RBMS3: variants seen among roughly 807,000 people sequenced by gnomAD.
RBMS3 encodes the protein RNA binding motif single stranded interacting protein 3.
In RBMS3, 27 loss-of-function variants were observed where a neutral mutation model predicts 66.8. The observed-to-expected ratio is 0.40, with a 90% CI of 0.30 to 0.56. The LOEUF (loss-of-function observed/expected upper bound fraction) is 0.56. Among genes scored for constraint, RBMS3 ranks in the 20% least tolerant of loss-of-function variants. RBMS3 has a pLI of 0.40. For missense variants in RBMS3, 513 were observed against 549.5 expected (o/e 0.93, Z 0.66); for synonymous variants, 188 against 183.0 (o/e 1.03, Z -0.22).
chr3:29,580,682 TATAATAATA>T (rs5847581), intron 3 of RBMS3, among the ~76,000 whole-genome samples: 24 of 147,672 alleles, frequency 1.6e-4, no homozygotes, highest in Admixed American at 4.7e-4. Context: ...AATTTAATAA[TATAATAATA>T]ATAATAATAA....
chr3:29,605,055 G>A (rs1559503754), intron 4 of RBMS3, among the ~76,000 whole-genome samples: 1 of 151,688 alleles, frequency 6.6e-6, no homozygotes, highest in East Asian at 1.9e-4. Flanking sequence ...TTTGTAACTT[G>A]CATTGAATAT....
intron 10 of RBMS3, among the ~76,000 whole-genome samples, chr3:29,915,051 T>A (rs917873953): frequency 4.6e-5 from 7 of 151,884 alleles, no homozygotes; most frequent in Non-Finnish European, 7.4e-5. Context: ...TCTTGTTGTT[T>A]AGATATATCT....
chr3:29,634,246 T>G (rs2049389638), intron 4 of RBMS3, among the ~76,000 whole-genome samples: 2 of 151,890 alleles, frequency 1.3e-5, no homozygotes, highest in Admixed American at 1.3e-4. Flanking sequence ...ACATTAAAAT[T>G]GCTTTCATAT....
chr3:29,299,397 T>C lies in RBMS3; in HGVS notation c.75+17641T>C, dbSNP rs553942175. Among the ~76,000 whole-genome samples, 6 of 151,936 alleles carry C rather than the reference T, an allele frequency of 3.9e-5. No homozygotes were observed. In the South Asian group the frequency reaches 1.2e-3, roughly 32 times the overall value. On this transcript the variant is annotated intron_variant, in intron 1 of 14. Transcript: ENST00000383767. ...TTAATTTTGGGGTAGGGAGTGGTTT[T>C]GTAAGTTTCATTTTTAAGGCATAAC...
intron 3 of RBMS3, among the ~76,000 whole-genome samples, chr3:29,510,205 T>C (rs35878): frequency 1 from 152,334 of 152,334 alleles, 76,167 homozygotes; most frequent in Non-Finnish European, 1. Context: ...AGTCTGAATT[T>C]CTCAGTATAG....
At chr3:29,550,699 A>T (rs948383850) in intron 3 of RBMS3, among the ~76,000 whole-genome samples, 17 of 152,140 alleles carry the variant, frequency 1.1e-4, no homozygotes. Flanking sequence ...CTTACACAAA[A>T]TTTTTTTGGT....
chr3:29,837,704 A>G (rs922516259), intron 6 of RBMS3, among the ~76,000 whole-genome samples: 8 of 115,976 alleles, frequency 6.9e-5, no homozygotes, highest in African/African-American at 2.9e-4. Flanking sequence ...ATATATATAT[A>G]TATGCTTATT....
At chr3:29,688,606 T>C (rs1179531995) in intron 4 of RBMS3, among the ~76,000 whole-genome samples, 1 of 119,640 alleles carries the variant, frequency 8.4e-6, no homozygotes, top group African/African-American at 3.2e-5. Flanking sequence ...TTTTTTGAGA[T>C]GGAGTCTTGC....
At chr3:29,971,885 T>A (rs1268912320) in intron 12 of RBMS3, among the ~76,000 whole-genome samples, 1 of 151,080 alleles carries the variant, frequency 6.6e-6, no homozygotes, top group Admixed American at 6.6e-5. Context: ...GTAGGTGGAT[T>A]AAAAAAAAAG....
At chr3:29,370,994 C>A (rs2038169178) in intron 1 of RBMS3, among the ~76,000 whole-genome samples, 1 of 152,166 alleles carries the variant, frequency 6.6e-6, no homozygotes, top group Non-Finnish European at 1.5e-5. Context: ...ACAAAAATGT[C>A]TGAATGTCAT....
At chr3:29,799,113 T>G (rs2057309344) in intron 6 of RBMS3, among the ~76,000 whole-genome samples, 1 of 152,132 alleles carries the variant, frequency 6.6e-6, no homozygotes, top group South Asian at 2.1e-4. Flanking sequence ...GAAATAATGG[T>G]CAATGCCTCT....
intron 3 of RBMS3, among the ~76,000 whole-genome samples, chr3:29,550,049 T>C (rs1012689918): frequency 4.6e-5 from 7 of 152,232 alleles, no homozygotes. Context: ...GCTTCTCCCT[T>C]GCTCCAAAGT....
rs569102470 is a variant in RBMS3, at chr3:29,837,547, C to T, written c.638-31311C>T. ...GAGATAAAAGTTTGTACCCCCTCCCCGTCTGTATTGAGCTGCTCATGCATT... is the reference window on the plus strand; with the variant it reads ...GAGATAAAAGTTTGTACCCCCTCCCTGTCTGTATTGAGCTGCTCATGCATT... On this transcript the variant is annotated intron_variant, in intron 6 of 14. Transcript: ENST00000383767. Among the ~76,000 whole-genome samples, 8 of 150,788 alleles carry T rather than the reference C, an allele frequency of 5.3e-5. No homozygotes were observed. The East Asian group carries it at 7.9e-4, about 15-fold the overall frequency.
intron 4 of RBMS3, 108 bp downstream of exon 4, chr3:29,587,313 G>T: frequency 8.3e-6 from 5 of 601,294 alleles, no homozygotes; most frequent in South Asian, 4.4e-5. Flanking sequence ...GAAGGAAGAA[G>T]GAGAGATTAA....
intron 10 of RBMS3, chr3:29,934,248 G>A (rs527765955): frequency 1.3e-5 from 2 of 152,012 alleles, no homozygotes; most frequent in East Asian, 1.9e-4. Context: ...AGTTCAAGAA[G>A]AGAATCGAAG....
At chr3:29,791,237 G>A (rs1414252108) in intron 6 of RBMS3, among the ~76,000 whole-genome samples, 2 of 152,148 alleles carry the variant, frequency 1.3e-5, no homozygotes, top group Non-Finnish European at 2.9e-5. Flanking sequence ...TTGTAGAAAT[G>A]CATTTCCATT....
At chr3:29,772,008 G>T (rs1035698987) in intron 6 of RBMS3, among the ~76,000 whole-genome samples, 4 of 151,982 alleles carry the variant, frequency 2.6e-5, no homozygotes, top group Non-Finnish European at 4.4e-5. Flanking sequence ...CATTACCATG[G>T]TTTATCTGGG....
At chr3:29,551,961 A>G (rs1191491575) in intron 3 of RBMS3, among the ~76,000 whole-genome samples, 5 of 152,060 alleles carry the variant, frequency 3.3e-5, no homozygotes, top group Admixed American at 6.6e-5. Flanking sequence ...TTAGTAAGAT[A>G]TATTTGCAGT....
chr3:29,285,895 A>C (rs2125413736), intron 1 of RBMS3, among the ~76,000 whole-genome samples: 1 of 152,224 alleles, frequency 6.6e-6, no homozygotes, highest in African/African-American at 2.4e-5. Flanking sequence ...AAAACAAAAC[A>C]ACCCTGTAAC....
Sources: gnomAD v4.1 joint callset for allele counts (sites outside exome capture counted in the v4.1 genomes callset) on GRCh38, gnomAD v4.1.1 for gene constraint, MANE v1.5 for transcripts, NCBI Gene and HGNC (gene_info 2026-07-23, HGNC 2026-07-21) for gene names.